EMCN: variants seen among roughly 807,000 people sequenced by gnomAD.
EMCN encodes the protein endomucin.
EMCN carries 37 observed loss-of-function variants against 38.4 expected under a neutral mutation model. That is an observed-to-expected ratio of 0.96 (90% CI 0.74 to 1.27). The LOEUF is 1.27. Among genes scored for constraint, EMCN ranks in the 50% most tolerant of loss-of-function variants. EMCN has a pLI of 0.00. For missense variants in EMCN, 318 were observed against 302.8 expected (o/e 1.05, Z -0.37); for synonymous variants, 95 against 100.8 (o/e 0.94, Z 0.35).
intron 4 of EMCN, among the ~76,000 whole-genome samples, chr4:100,453,414 T>A (rs1044980062): frequency 8.5e-5 from 13 of 152,116 alleles, no homozygotes; most frequent in African/African-American, 3.1e-4. Flanking sequence ...AAAAGACACA[T>A]GAAAAATTGC....
intron 4 of EMCN, among the ~76,000 whole-genome samples, chr4:100,452,414 T>A (rs1186411390): frequency 1.3e-5 from 2 of 152,054 alleles, no homozygotes; most frequent in Non-Finnish European, 2.9e-5. Flanking sequence ...TAGAAGAAAC[T>A]CTCACTTGGC....
intron 1 of EMCN, among the ~76,000 whole-genome samples, chr4:100,504,345 A>G (rs927027481): frequency 2.2e-4 from 33 of 152,244 alleles, no homozygotes; most frequent in Non-Finnish European, 4.3e-4. Flanking sequence ...CATGTTGAGA[A>G]TAAGCCTTGT....
chr4:100,404,468 C>T (rs187487582), intron 11 of EMCN, among the ~76,000 whole-genome samples: 1 of 152,012 alleles, frequency 6.6e-6, no homozygotes, highest in Admixed American at 6.5e-5. Context: ...GTTGTAGTAT[C>T]ATTTGTCATA....
chr4:100,508,720 C>A (rs1729549369), intron 1 of EMCN, among the ~76,000 whole-genome samples: 1 of 152,116 alleles, frequency 6.6e-6, no homozygotes, highest in South Asian at 2.1e-4. Context: ...TTCAGAATTA[C>A]CTGATGAATT....
At position 100,410,331 on chromosome 4, in the gene EMCN, G is replaced by C. The variant is rs539821331; in HGVS notation, c.776C>G (p.Thr259Ser). ...GAATTCCTCAAGCTGTCAGTTCTTG[G>C]TTTTTCCTTGTGCAGAGTGCTCACC... ...ESGEHSAQGK[T>S]KN The change falls in exon 11 of 12, where the codon ACC becomes AGC. Residue 259 changes from threonine (T) to serine (S), a missense_variant. Coordinates refer to ENST00000296420, the MANE Select transcript of EMCN (RefSeq NM_016242.4). 2.5e-6 allele frequency: 4 copies of C among 1,613,840 alleles called. No homozygotes were observed. The South Asian group carries it at 4.4e-5, about 18-fold the overall frequency.
chr4:100,484,686 A>G (rs556855796), intron 1 of EMCN, among the ~76,000 whole-genome samples: 1 of 152,270 alleles, frequency 6.6e-6, no homozygotes, highest in South Asian at 2.1e-4. Flanking sequence ...AAGAAAGTAG[A>G]TCTGGCTTCT....
chr4:100,484,383 T>TATCTAAA (rs1424607651), intron 1 of EMCN, among the ~76,000 whole-genome samples: 2 of 152,196 alleles, frequency 1.3e-5, no homozygotes, highest in African/African-American at 2.4e-5. Flanking sequence ...CTAATCTTTG[T>TATCTAAA]AATTATATTT....
intron 8 of EMCN, among the ~76,000 whole-genome samples, chr4:100,418,116 T>C (rs992303866): frequency 6.6e-6 from 1 of 152,182 alleles, no homozygotes; most frequent in Non-Finnish European, 1.5e-5. Flanking sequence ...ATTTAACCCA[T>C]GGCACCATAT....
At chr4:100,449,154 T>C (rs182221535) in intron 4 of EMCN, among the ~76,000 whole-genome samples, 290 of 152,166 alleles carry the variant, frequency 1.9e-3, no homozygotes, top group African/African-American at 6.7e-3. Flanking sequence ...AATAATAATA[T>C]AAAAAACTAA....
intron 3 of EMCN, among the ~76,000 whole-genome samples, chr4:100,472,327 C>A (rs548200382): frequency 1.3e-5 from 2 of 150,192 alleles, no homozygotes; most frequent in South Asian, 2.1e-4. Flanking sequence ...AATGAATAAT[C>A]CAAAATTGAA....
At chr4:100,435,242 T>C (rs965598529) in intron 5 of EMCN, among the ~76,000 whole-genome samples, 13 of 151,980 alleles carry the variant, frequency 8.6e-5, no homozygotes, top group African/African-American at 2.4e-4. Context: ...CATGCAAGCA[T>C]AGAGCCAAAT....
chr4:100,454,444 G>T (rs1727952452), intron 4 of EMCN, among the ~76,000 whole-genome samples: 1 of 152,018 alleles, frequency 6.6e-6, no homozygotes, highest in African/African-American at 2.4e-5. Flanking sequence ...TGAAACCTAG[G>T]TATAGTGAGG....
intron 10 of EMCN, among the ~76,000 whole-genome samples, chr4:100,413,579 G>A (rs1352965671): frequency 6.6e-6 from 1 of 152,112 alleles, no homozygotes; most frequent in Non-Finnish European, 1.5e-5. Flanking sequence ...TGATAGACTT[G>A]AATAAAAATT....
intron 10 of EMCN, among the ~76,000 whole-genome samples, chr4:100,414,993 T>C (rs973889900): frequency 6.6e-5 from 10 of 152,184 alleles, no homozygotes; most frequent in Non-Finnish European, 1.5e-4. Context: ...CCCCCCGGGT[T>C]CCAGCATTTC....
At chr4:100,462,247 T>C (rs1728200022) in intron 4 of EMCN, among the ~76,000 whole-genome samples, 1 of 152,190 alleles carries the variant, frequency 6.6e-6, no homozygotes, top group Non-Finnish European at 1.5e-5. Context: ...GAGTGTTTCA[T>C]TTCTTAAGAA....
chr4:100,480,588 A>G (rs556143677), intron 1 of EMCN, among the ~76,000 whole-genome samples: 2 of 107,958 alleles, frequency 1.9e-5, no homozygotes, highest in East Asian at 4.4e-3. Context: ...ACACACACAT[A>G]TATATACACA....
At chr4:100,517,815 A>C (rs1434819331) in intron 1 of EMCN, 36 bp downstream of exon 1, 1 of 1,604,028 alleles carries the variant, frequency 6.2e-7, no homozygotes, top group Non-Finnish European at 8.5e-7. Flanking sequence ...AGTGATTTCC[A>C]ATCCGTACCA....
chr4:100,467,810 C>A (rs547786207), intron 3 of EMCN, among the ~76,000 whole-genome samples: 63 of 151,986 alleles, frequency 4.1e-4, no homozygotes, highest in Non-Finnish European at 8.2e-4. Flanking sequence ...TAATTCACAC[C>A]TTCAGAGAAA....
chr4:100,422,810 TTTC>T (rs1726925874), intron 7 of EMCN, among the ~76,000 whole-genome samples: 3 of 102,102 alleles, frequency 2.9e-5, no homozygotes, highest in Admixed American at 1.1e-4. Context: ...TCTTTCTTTC[TTTC>T]TTTCTTTTCT....
Sources: allele counts gnomAD v4.1 joint callset (sites outside exome capture counted in the v4.1 genomes callset), GRCh38; gene constraint gnomAD v4.1.1; transcripts MANE v1.5; gene names NCBI Gene and HGNC (gene_info 2026-07-23, HGNC 2026-07-21).